The following TBCD variants were observed in gnomAD, a reference collection of about 807,000 sequenced individuals.
TBCD encodes the protein tubulin folding cofactor D.
Under a neutral mutation model 169.3 loss-of-function variants are expected in TBCD, and 105 were observed. That is an observed-to-expected ratio of 0.62 (90% CI 0.53 to 0.73). The LOEUF is 0.73. Among genes scored for constraint, TBCD ranks in the 30% least tolerant of loss-of-function variants. TBCD has a pLI of 0.00. For missense variants in TBCD, 1,444 were observed against 1,600.1 expected, an observed-to-expected ratio of 0.90 and a Z score of 1.66; for synonymous variants, 700 against 643.9, an observed-to-expected ratio of 1.09 and a Z score of -1.32.
intron 17 of TBCD, among the ~76,000 whole-genome samples, chr17:82,899,752 T>C (rs886703298): frequency 2.8e-4 from 42 of 152,372 alleles, no homozygotes; most frequent in Non-Finnish European, 4.4e-5. Context: ...CCAGAACGTA[T>C]GCAGCCTCTG....
chr17:82,916,990 T>TGA (rs1158332414), intron 23 of TBCD, among the ~76,000 whole-genome samples: 4 of 151,746 alleles, frequency 2.6e-5, no homozygotes, highest in African/African-American at 9.7e-5. Flanking sequence ...GGTTTTGTCT[T>TGA]ATTCAGTTTG....
At chr17:82,897,567 A>G (rs533040060) in intron 17 of TBCD, among the ~76,000 whole-genome samples, 2 of 151,952 alleles carry the variant, frequency 1.3e-5, no homozygotes, top group African/African-American at 4.8e-5. Flanking sequence ...ACTTTATTAC[A>G]TATAGTTTAC....
chr17:82,937,558 C>T (rs886447342), intron 35 of TBCD, 198 bp downstream of exon 35: 3 of 618,838 alleles, frequency 4.8e-6, no homozygotes, highest in East Asian at 5.5e-5. Flanking sequence ...AGGGAGTTCC[C>T]GCGGGAACAG....
rs2061889073 is a variant in TBCD at position 82,927,905 on chromosome 17, G to C, written c.2610G>C (p.Trp870Cys). 1 of 1,613,396 alleles carries C rather than the reference G, an allele frequency of 6.2e-7. No individual in the cohort carries two copies. The highest frequency in any genetic ancestry group is 2.2e-5 in the East Asian group (1 of 44,870). Residue 870 changes from tryptophan to cysteine, a missense_variant and splice_region_variant, in exon 30 of 39, where the codon TGG (tryptophan) becomes TGC (cysteine). Physicochemically the swap from Trp to Cys is radical, Grantham distance 215. Coordinates refer to ENST00000355528, the MANE Select transcript of TBCD (RefSeq NM_005993.5). The part of the protein sequence containing the change: ...TTDSRGDVGT[W>C]VRKAAMTSLM... ...TCTCTGCCTCTCCTTGTCCCATCAG[G>C]GTCCGCAAGGCCGCCATGACCAGTC... is the stretch of plus-strand genomic sequence containing the variant.
chr17:82,846,411 T>C (rs944111175), intron 13 of TBCD, among the ~76,000 whole-genome samples: 1 of 152,194 alleles, frequency 6.6e-6, no homozygotes, highest in African/African-American at 2.4e-5. Context: ...TGCTGCCCGC[T>C]GCTCTCTTTG....
intron 2 of TBCD, among the ~76,000 whole-genome samples, chr17:82,758,913 T>G (rs947216684): frequency 3.3e-5 from 5 of 152,092 alleles, no homozygotes; most frequent in Admixed American, 6.5e-5. Flanking sequence ...CTGCCCACCT[T>G]GGTCTCCCAA....
At chr17:82,756,108 G>C in intron 1 of TBCD, 57 bp from the exon 2 acceptor site, 1 of 1,488,330 alleles carries the variant, frequency 6.7e-7, no homozygotes, top group Admixed American at 1.9e-5. Context: ...GGTTTCTGAG[G>C]CTCATGGGTA....
intron 7 of TBCD, among the ~76,000 whole-genome samples, chr17:82,787,036 G>C (rs146939627): frequency 0.013 from 1,916 of 152,210 alleles, 54 homozygotes; most frequent in African/African-American, 0.044. Context: ...CCAGGAGTGG[G>C]GAAGTGCTTT....
At chr17:82,871,446 A>C (rs922921601) in intron 14 of TBCD, among the ~76,000 whole-genome samples, 3 of 152,200 alleles carry the variant, frequency 2.0e-5, no homozygotes, top group African/African-American at 7.2e-5. Context: ...CTGAATCATC[A>C]CAAGGTTTCA....
intron 7 of TBCD, 73 bp from the exon 8 acceptor site, chr17:82,797,659 ATTCTGAAAGATGTGATGAATTGTTT>A: frequency 1.1e-6 from 1 of 934,296 alleles, no homozygotes; most frequent in South Asian, 1.6e-5. Context: ...TAGAATAAAA[ATTCTGAAAGATGTGATGAATTGTTT>A]TCACAATTTG....
rs35792712 is a variant in TBCD at position 82,830,850 on chromosome 17, A to G, written c.1318+15916A>G. 1.9e-6 allele frequency: 3 copies of G among 1,613,062 alleles called. No homozygotes were observed. In the South Asian group the frequency reaches 3.3e-5, roughly 18 times the overall value. Reference sequence around the variant, plus strand: ...CGAGAGAGGCGCTTCCGGTCGGAGCAGGAGGGTCTCCGTTCACAACATTGA... The same window carrying G: ...CGAGAGAGGCGCTTCCGGTCGGAGCGGGAGGGTCTCCGTTCACAACATTGA... On this transcript the variant is annotated intron_variant, in intron 13 of 38. Coordinates refer to ENST00000355528, the MANE Select transcript of TBCD (RefSeq NM_005993.5).
chr17:82,758,255 G>A (rs1431516592), intron 2 of TBCD, among the ~76,000 whole-genome samples: 1 of 151,132 alleles, frequency 6.6e-6, no homozygotes, highest in Non-Finnish European at 1.5e-5. Flanking sequence ...CGCGTGTGGT[G>A]CACGCCTGTA....
At chr17:82,910,394 T>C (rs898113228) in intron 22 of TBCD, among the ~76,000 whole-genome samples, 2 of 152,338 alleles carry the variant, frequency 1.3e-5, no homozygotes, top group East Asian at 3.9e-4. Context: ...TCCTGGGTCT[T>C]TCGTGAAGTT....
At chr17:82,842,921 C>T (rs2054647926) in intron 13 of TBCD, among the ~76,000 whole-genome samples, 1 of 151,982 alleles carries the variant, frequency 6.6e-6, no homozygotes, top group South Asian at 2.1e-4. Context: ...GCTGGGACTA[C>T]AGGCGCCCTC....
intron 2 of TBCD, among the ~76,000 whole-genome samples, chr17:82,758,670 T>C (rs1475640146): frequency 7.0e-6 from 1 of 143,112 alleles, no homozygotes; most frequent in African/African-American, 2.6e-5. Flanking sequence ...TCTTTTTTTT[T>C]TTTTTTTTTG....
chr17:82,775,113 C>G (rs1332262523), intron 6 of TBCD, among the ~76,000 whole-genome samples: 1 of 152,190 alleles, frequency 6.6e-6, no homozygotes, highest in Non-Finnish European at 1.5e-5. Flanking sequence ...CGCGCTGGCT[C>G]GGGATCCCGG....
At chr17:82,906,241 A>G (rs2060241178) in intron 20 of TBCD, among the ~76,000 whole-genome samples, 188 bp downstream of exon 20, 1 of 152,198 alleles carries the variant, frequency 6.6e-6, no homozygotes, top group African/African-American at 2.4e-5. Flanking sequence ...CCTGACGGTC[A>G]TGCCGTGGGT....
intron 13 of TBCD, among the ~76,000 whole-genome samples, chr17:82,841,475 C>T (rs2054522179): frequency 6.6e-6 from 1 of 151,968 alleles, no homozygotes; most frequent in South Asian, 2.1e-4. Flanking sequence ...GGTCACTATG[C>T]CTGGAGAATT....
chr17:82,766,708 G>A (rs866736951), intron 4 of TBCD, among the ~76,000 whole-genome samples: 1 of 152,184 alleles, frequency 6.6e-6, no homozygotes, highest in Non-Finnish European at 1.5e-5. Flanking sequence ...TCCTGAGCGG[G>A]ACTCACAGCA....
Sources: allele counts gnomAD v4.1 joint callset (sites outside exome capture counted in the v4.1 genomes callset), GRCh38; gene constraint gnomAD v4.1.1; transcripts MANE v1.5; gene names NCBI Gene and HGNC (gene_info 2026-07-23, HGNC 2026-07-21).